RGS6: variants seen among roughly 807,000 people sequenced by gnomAD.
The protein encoded by RGS6 is regulator of G-protein signaling 6.
In RGS6, 30 loss-of-function variants were observed where a neutral mutation model predicts 78.5. The observed-to-expected ratio is 0.38, with a 90% CI of 0.29 to 0.52. RGS6 has a LOEUF of 0.52. Ranked by LOEUF, RGS6 falls within the 20% of genes least tolerant of loss-of-function variation. RGS6 has a pLI of 0.85. For synonymous variants in RGS6, 206 were observed against 206.0 expected, an observed-to-expected ratio of 1.00 and a Z score of 0.00; for missense variants, 495 against 609.7, an observed-to-expected ratio of 0.81 and a Z score of 1.98.
At chr14:72,429,788 T>G (rs1156961343) in intron 3 of RGS6, among the ~76,000 whole-genome samples, 1 of 152,138 alleles carries the variant, frequency 6.6e-6, no homozygotes, top group Non-Finnish European at 1.5e-5. Context: ...TCATCTTGGC[T>G]TATAATCCCT....
intron 3 of RGS6, among the ~76,000 whole-genome samples, chr14:72,356,256 A>G (rs1407390517): frequency 2.6e-5 from 4 of 152,024 alleles, no homozygotes; most frequent in African/African-American, 7.2e-5. Flanking sequence ...TGCTGTTCTC[A>G]TAATAGCGAG....
chr14:72,397,640 G>A (rs529823010), intron 3 of RGS6, among the ~76,000 whole-genome samples: 2 of 152,172 alleles, frequency 1.3e-5, no homozygotes, highest in Non-Finnish European at 2.9e-5. Context: ...TTTCCAAAGG[G>A]AATGCTTCCA....
intron 2 of RGS6, among the ~76,000 whole-genome samples, chr14:72,074,106 G>T (rs937698105): frequency 6.6e-6 from 1 of 152,170 alleles, no homozygotes; most frequent in African/African-American, 2.4e-5. Flanking sequence ...CAAGATATTT[G>T]CAGAGGAATG....
At chr14:72,127,509 A>C (rs770640241) in intron 2 of RGS6, among the ~76,000 whole-genome samples, 20 of 152,322 alleles carry the variant, frequency 1.3e-4, no homozygotes, top group Admixed American at 3.3e-4. Context: ...GTGTTTTCTA[A>C]GAGAACACGT....
intron 2 of RGS6, among the ~76,000 whole-genome samples, chr14:71,985,205 C>T (rs991646109): frequency 6.6e-6 from 1 of 151,942 alleles, no homozygotes; most frequent in Non-Finnish European, 1.5e-5. Context: ...CTCACTGCAA[C>T]CGCCGCCTCC....
chr14:72,384,398 A>G (rs1208695367), intron 3 of RGS6, among the ~76,000 whole-genome samples: 1 of 152,256 alleles, frequency 6.6e-6, no homozygotes, highest in East Asian at 1.9e-4. Flanking sequence ...GTATCTTTTA[A>G]AATGAAATGT....
intron 15 of RGS6, among the ~76,000 whole-genome samples, chr14:72,534,092 A>G (rs1013816055): frequency 1.3e-5 from 2 of 152,156 alleles, no homozygotes; most frequent in Middle Eastern, 3.2e-3. Flanking sequence ...GACAAACTTC[A>G]TTGTCTTATT....
At chr14:72,092,472 C>T (rs2095298882) in intron 2 of RGS6, among the ~76,000 whole-genome samples, 1 of 152,066 alleles carries the variant, frequency 6.6e-6, no homozygotes, top group South Asian at 2.1e-4. Flanking sequence ...ACCTCCGCCT[C>T]CCGGGTTCAA....
chr14:72,042,076 G>C (rs573399059), intron 2 of RGS6, among the ~76,000 whole-genome samples: 1 of 151,182 alleles, frequency 6.6e-6, no homozygotes, highest in East Asian at 1.9e-4. Flanking sequence ...TACTTTCAGG[G>C]TATTAATACT....
At chr14:72,398,088 C>G (rs900032595) in intron 3 of RGS6, among the ~76,000 whole-genome samples, 55 of 152,258 alleles carry the variant, frequency 3.6e-4, no homozygotes, top group African/African-American at 1.2e-3. Context: ...GGAGGATTCC[C>G]TCTTTTTCTA....
intron 1 of RGS6, among the ~76,000 whole-genome samples, chr14:71,940,833 C>G (rs749250522): frequency 6.6e-6 from 1 of 152,274 alleles, no homozygotes; most frequent in Non-Finnish European, 1.5e-5. Context: ...TCTTCTGGAC[C>G]CTCCCAGCTG....
chr14:72,293,798 T>C (rs1054837875), intron 2 of RGS6, among the ~76,000 whole-genome samples: 1 of 152,244 alleles, frequency 6.6e-6, no homozygotes, highest in African/African-American at 2.4e-5. Flanking sequence ...TTTTAGGCTT[T>C]GCAAACCGTA....
At chr14:72,112,638 C>T (rs914431347) in intron 2 of RGS6, among the ~76,000 whole-genome samples, 2 of 152,190 alleles carry the variant, frequency 1.3e-5, no homozygotes, top group Non-Finnish European at 2.9e-5. Context: ...GGCATCATTT[C>T]AGTTAGTCCT....
At chr14:72,601,701 C>T in the RGS6 span, among the ~76,000 whole-genome samples, 7 of 152,108 alleles carry the variant, frequency 4.6e-5, no homozygotes, top group Admixed American at 2.6e-4. Flanking sequence ...CACTGTATCC[C>T]GTAAATATGT....
chr14:72,611,123 C>A, the RGS6 span, among the ~76,000 whole-genome samples: 1 of 151,840 alleles, frequency 6.6e-6, no homozygotes, highest in East Asian at 2.0e-4. Context: ...CCACCCCCCA[C>A]AGAGAAGCTA....
rs34462310 is a variant in RGS6 at position 72,481,805 on chromosome 14, C to CTT, written c.854+3496_854+3497dup. Among the ~76,000 whole-genome samples, 59 of 120,050 alleles carry CTT rather than the reference C, an allele frequency of 4.9e-4. 1 individual carries two copies. The highest frequency in any genetic ancestry group is 6.6e-4 in the Non-Finnish European group (40 of 60,600). 78.8% of individuals were successfully genotyped at this position (120,050 alleles called of 152,430 possible). A position where few individuals can be genotyped will look rare whatever the true frequency, so the allele number is the denominator to read the frequency against. On this transcript the variant is annotated intron_variant, in intron 12 of 17. Transcript: ENST00000553525. ...TAACACCCTAAGCTTTTTATTTTAA[C>CTT]TTTTTTTTTTTTTTTTTTTTTGAGA... is the stretch of plus-strand genomic sequence containing the variant.
intron 2 of RGS6, among the ~76,000 whole-genome samples, chr14:72,150,140 T>C (rs185967024): frequency 1.3e-5 from 2 of 152,274 alleles, no homozygotes; most frequent in African/African-American, 4.8e-5. Context: ...TCATCCTGGA[T>C]TTAGGGTGGG....
At chr14:71,978,666 A>G (rs1375586673) in intron 2 of RGS6, among the ~76,000 whole-genome samples, 2 of 150,726 alleles carry the variant, frequency 1.3e-5, no homozygotes, top group Admixed American at 6.6e-5. Flanking sequence ...TCGTTTTGCC[A>G]GTATTTTATT....
chr14:72,620,416 T>C, the RGS6 span, among the ~76,000 whole-genome samples: 1 of 152,232 alleles, frequency 6.6e-6, no homozygotes, highest in African/African-American at 2.4e-5. Context: ...ATCTGTGAAA[T>C]GGCCAACAGC....
Sources: allele counts gnomAD v4.1 joint callset (sites outside exome capture counted in the v4.1 genomes callset), GRCh38; gene constraint gnomAD v4.1.1; transcripts MANE v1.5; gene names NCBI Gene and HGNC (gene_info 2026-07-23, HGNC 2026-07-21).